IQGAP2: variants seen among roughly 807,000 people sequenced by gnomAD.
IQGAP2 encodes IQ motif containing GTPase activating protein 2.
Under a neutral mutation model 201.3 loss-of-function variants are expected in IQGAP2, and 173 were observed. That is an observed-to-expected ratio of 0.86 (90% CI 0.76 to 0.98). The LOEUF (loss-of-function observed/expected upper bound fraction) is 0.98, where lower values mean the gene tolerates loss of function less well. IQGAP2 is among the 50% of genes least tolerant of loss of function. IQGAP2 has a pLI of 0.00. For missense variants in IQGAP2, 1,687 were observed against 1,864.8 expected (o/e 0.90, Z 1.76); for synonymous variants, 675 against 673.9 (o/e 1.00, Z -0.03).
At chr5:76,616,620 G>T (rs1290844504) in intron 13 of IQGAP2, 1 of 152,766 alleles carries the variant, frequency 6.5e-6, no homozygotes, top group African/African-American at 2.4e-5. Context: ...GGGAGGCTGA[G>T]ATAGGAAGAT....
At chr5:76,681,740 C>A (rs1471990433) in intron 28 of IQGAP2, among the ~76,000 whole-genome samples, 1 of 152,110 alleles carries the variant, frequency 6.6e-6, no homozygotes, top group Non-Finnish European at 1.5e-5. Context: ...AACAGTTCCA[C>A]TTCTGGAAGT....
chr5:76,607,865 C>T (rs1747933481), intron 12 of IQGAP2: 1 of 152,262 alleles, frequency 6.6e-6, no homozygotes, highest in South Asian at 2.1e-4. Context: ...GTAGGCAAAA[C>T]AAAGACTCAC....
At chr5:76,521,647 C>T (rs533130833) in intron 2 of IQGAP2, among the ~76,000 whole-genome samples, 1 of 152,308 alleles carries the variant, frequency 6.6e-6, no homozygotes, top group South Asian at 2.1e-4. Flanking sequence ...GAACCAGAGA[C>T]CATCGTGTGC....
At chr5:76,455,383 G>T (rs1156843740) in intron 1 of IQGAP2, among the ~76,000 whole-genome samples, 2 of 149,078 alleles carry the variant, frequency 1.3e-5, no homozygotes, top group African/African-American at 5.0e-5. Context: ...AACCCAGGAG[G>T]CAGAGGTTGC....
chr5:76,634,820 A>G (rs556956800), intron 15 of IQGAP2, among the ~76,000 whole-genome samples: 1 of 152,308 alleles, frequency 6.6e-6, no homozygotes, highest in South Asian at 2.1e-4. Flanking sequence ...TTCGCGTATA[A>G]TTTTGTCTGC....
At chr5:76,501,415 A>C (rs1290709798) in intron 2 of IQGAP2, among the ~76,000 whole-genome samples, 1 of 152,172 alleles carries the variant, frequency 6.6e-6, no homozygotes, top group Non-Finnish European at 1.5e-5. Context: ...TTTTAATTTT[A>C]AAAGAATATT....
chr5:76,671,876 A>G lies in IQGAP2; in HGVS notation c.2961A>G (p.Pro987=), dbSNP rs775215661. 13 of 1,614,116 alleles carry G rather than the reference A, an allele frequency of 8.1e-6. No homozygotes were observed. In the South Asian group the frequency reaches 1.4e-4, roughly 18 times the overall value. The change falls in exon 24 of 36, where the codon CCA becomes CCG. Residue 987 remains proline, a synonymous_variant. Transcript: ENST00000274364. ...ACACCCTGCGCCAACTCCTGGCTCC[A>G]GTGGTAAAAGAGATCATCGACGACA... ...GQNTLRQLLA[P]VVKEIIDDKS... is the part of the protein sequence containing the mutation.
At chr5:76,529,688 A>G (rs760432132) in intron 2 of IQGAP2, among the ~76,000 whole-genome samples, 10 of 150,010 alleles carry the variant, frequency 6.7e-5, no homozygotes, top group Non-Finnish European at 1.0e-4. Context: ...GGTTATTTTT[A>G]AAGTAATATT....
rs566214252 is a variant in IQGAP2, at chr5:76,651,850, C to T, written c.2095-900C>T. On this transcript the variant is annotated intron_variant, in intron 17 of 35. Transcript: ENST00000274364. ...CTGACTAAATTGTTTTGACTCATTACAAAAATATTATTTTTTTGAAATAAC... is the reference window on the plus strand; with the variant it reads ...CTGACTAAATTGTTTTGACTCATTATAAAAATATTATTTTTTTGAAATAAC... 4.6e-5 allele frequency among the ~76,000 whole-genome samples: 7 copies of T among 151,896 alleles called. No homozygotes were observed. In the South Asian group the frequency reaches 1.5e-3, roughly 32 times the overall value.
At chr5:76,496,635 G>T (rs1177277543) in intron 2 of IQGAP2, among the ~76,000 whole-genome samples, 1 of 152,100 alleles carries the variant, frequency 6.6e-6, no homozygotes, top group African/African-American at 2.4e-5. Flanking sequence ...GCTACAAATG[G>T]TATTCATATT....
At chr5:76,444,262 G>C (rs1753235061) in intron 1 of IQGAP2, among the ~76,000 whole-genome samples, 1 of 152,000 alleles carries the variant, frequency 6.6e-6, no homozygotes, top group Non-Finnish European at 1.5e-5. Flanking sequence ...AGAGAAAATA[G>C]ATGCTTACAT....
intron 3 of IQGAP2, among the ~76,000 whole-genome samples, chr5:76,566,430 C>A (rs1365744874): frequency 6.6e-6 from 1 of 151,936 alleles, no homozygotes; most frequent in Non-Finnish European, 1.5e-5. Context: ...AGACTTGCCA[C>A]AAGGAGGAAA....
chr5:76,432,128 CTTTTTTT>C (rs70982606), intron 1 of IQGAP2, among the ~76,000 whole-genome samples: 2 of 95,300 alleles, frequency 2.1e-5, no homozygotes, highest in Non-Finnish European at 4.0e-5. Context: ...TTTCTTTCTT[CTTTTTTT>C]TTTTTTTTGA....
chr5:76,546,949 C>T (rs2150227498), intron 2 of IQGAP2, among the ~76,000 whole-genome samples: 2 of 152,216 alleles, frequency 1.3e-5, no homozygotes, highest in East Asian at 1.9e-4. Context: ...TTCTTGGTGA[C>T]AATGATTGAC....
chr5:76,647,456 T>C (rs1192125526), intron 17 of IQGAP2, among the ~76,000 whole-genome samples: 1 of 152,060 alleles, frequency 6.6e-6, no homozygotes, highest in Non-Finnish European at 1.5e-5. Flanking sequence ...AGGGACCCAG[T>C]GGGAGATAAT....
At chr5:76,594,718 G>C (rs9293689) in intron 9 of IQGAP2, among the ~76,000 whole-genome samples, 2 of 151,900 alleles carry the variant, frequency 1.3e-5, no homozygotes, top group Non-Finnish European at 2.9e-5. Context: ...TGTAATCCCA[G>C]CACTTTGGGA....
intron 5 of IQGAP2, among the ~76,000 whole-genome samples, chr5:76,581,827 G>T (rs1325497891): frequency 1.3e-5 from 2 of 152,120 alleles, no homozygotes; most frequent in African/African-American, 2.4e-5. Context: ...GGAAAAATTT[G>T]GTTCAGTAAA....
intron 13 of IQGAP2, among the ~76,000 whole-genome samples, chr5:76,623,666 A>G (rs921555815): frequency 6.6e-6 from 1 of 152,250 alleles, no homozygotes; most frequent in Non-Finnish European, 1.5e-5. Context: ...CGTTTTAAAA[A>G]TGCAGTTCCA....
At chr5:76,680,495 A>G (rs976524913) in intron 28 of IQGAP2, among the ~76,000 whole-genome samples, 7 of 152,322 alleles carry the variant, frequency 4.6e-5, no homozygotes, top group African/African-American at 1.7e-4. Context: ...GACTTCATCA[A>G]AATTGAAAAC....
Sources: gnomAD v4.1 joint callset for allele counts (sites outside exome capture counted in the v4.1 genomes callset) on GRCh38, gnomAD v4.1.1 for gene constraint, MANE v1.5 for transcripts, NCBI Gene and HGNC (gene_info 2026-07-23, HGNC 2026-07-21) for gene names.